The following MSRA variants were observed in gnomAD, a reference collection of about 807,000 sequenced individuals.
MSRA encodes mitochondrial peptide methionine sulfoxide reductase.
A neutral mutation model predicts 31.3 loss-of-function variants in MSRA; 54 were observed. The observed-to-expected ratio is 1.73, with a 90% CI of 1.39 to 2.17. The LOEUF is 2.17. Ranked by LOEUF, MSRA falls within the 30% of genes most tolerant of loss-of-function variation. MSRA has a pLI of 0.00. For missense variants in MSRA, 507 were observed against 300.9 expected (o/e 1.69, Z -5.07); for synonymous variants, 169 against 116.5 (o/e 1.45, Z -2.90).
intron 1 of MSRA, among the ~76,000 whole-genome samples, chr8:10,073,216 T>C (rs1797829926): frequency 6.6e-6 from 1 of 152,178 alleles, no homozygotes; most frequent in African/African-American, 2.4e-5. Context: ...CATTCAGCCT[T>C]TCACTAAACT....
At chr8:10,086,809 G>A (rs1208550354) in intron 1 of MSRA, among the ~76,000 whole-genome samples, 1 of 151,818 alleles carries the variant, frequency 6.6e-6, no homozygotes, top group African/African-American at 2.4e-5. Context: ...AAGGAAGGAG[G>A]GGAGGGAAAG....
Position 10,428,163 on chromosome 8 carries a change from G to T in MSRA, c.559G>T (p.Gly187Cys). The T allele has an allele frequency of 5.6e-6, 9 of 1,612,932 alleles. No individual in the cohort carries two copies. Among genetic ancestry groups the T allele is most frequent in the Non-Finnish European group, 7.6e-6 (9 of 1,179,734 alleles). ...GTCCCCACAGGTTCTTTCAGAGCAC[G>T]GCTTCGGCCCCATCACTACCGACAT... ...ENYQKVLSEH[G>C]FGPITTDIRE... The change falls in exon 6 of 6, where the codon GGC becomes TGC. Residue 187 changes from glycine (G) to cysteine (C), a missense_variant. Gly to Cys is a radical substitution (Grantham distance 159, BLOSUM62 -3). Coordinates refer to ENST00000317173, the MANE Select transcript of MSRA (RefSeq NM_012331.5).
intron 5 of MSRA, among the ~76,000 whole-genome samples, chr8:10,360,488 A>T (rs1804782785): frequency 6.6e-6 from 1 of 152,188 alleles, no homozygotes; most frequent in Non-Finnish European, 1.5e-5. Flanking sequence ...TCTGGGAGAC[A>T]TTGGAAGGAT....
intron 5 of MSRA, chr8:10,326,448 T>C (rs1802367868): frequency 6.6e-6 from 1 of 152,212 alleles, no homozygotes; most frequent in Non-Finnish European, 1.5e-5. Context: ...TGAAGAAGTT[T>C]GCTCATTTCT....
At chr8:10,097,429 G>A (rs1405081390) in intron 1 of MSRA, among the ~76,000 whole-genome samples, 1 of 152,142 alleles carries the variant, frequency 6.6e-6, no homozygotes, top group African/African-American at 2.4e-5. Flanking sequence ...CCTGACTGCA[G>A]TCTTCCTTTT....
intron 1 of MSRA, among the ~76,000 whole-genome samples, chr8:10,125,550 G>C (rs1801437234): frequency 6.6e-6 from 1 of 152,146 alleles, no homozygotes; most frequent in African/African-American, 2.4e-5. Context: ...TGGGAGATGA[G>C]GCTGAGAACA....
In MSRA at chr8:10,417,650, A is replaced by T. The variant is rs766580419; in HGVS notation, c.544-10498A>T. On this transcript the variant is annotated intron_variant, in intron 5 of 5. Coordinates refer to ENST00000317173, the MANE Select transcript of MSRA (RefSeq NM_012331.5). ...TTAAAAGCCATCCCAGTCATTTCAC[A>T]TTTTTTTTTTAAAGTTTTGATTGAC... Among the ~76,000 whole-genome samples, 146 of 148,482 alleles carry T rather than the reference A, an allele frequency of 9.8e-4. 1 individual carries two copies. Among genetic ancestry groups the T allele is most frequent in the Non-Finnish European group, 1.4e-3 (95 of 66,872 alleles).
At chr8:10,207,100 G>A (rs1809058188) in intron 1 of MSRA, among the ~76,000 whole-genome samples, 1 of 152,192 alleles carries the variant, frequency 6.6e-6, no homozygotes, top group African/African-American at 2.4e-5. Flanking sequence ...CATAGATGGG[G>A]AATACTCATA....
At chr8:10,113,202 A>G (rs1800411866) in intron 1 of MSRA, among the ~76,000 whole-genome samples, 1 of 145,802 alleles carries the variant, frequency 6.9e-6, no homozygotes, top group Non-Finnish European at 1.5e-5. Context: ...GAGACAGGAT[A>G]TGGTGCTTAT....
At chr8:10,226,799 C>T (rs1398083619) in intron 2 of MSRA, among the ~76,000 whole-genome samples, 1 of 152,166 alleles carries the variant, frequency 6.6e-6, no homozygotes, top group Non-Finnish European at 1.5e-5. Flanking sequence ...TTGTCAGGTC[C>T]TGTTAGAGCT....
intron 5 of MSRA, among the ~76,000 whole-genome samples, chr8:10,348,531 G>A (rs539939930): frequency 3.3e-5 from 5 of 151,674 alleles, no homozygotes; most frequent in South Asian, 2.1e-4. Flanking sequence ...CACCATGCCC[G>A]GCTAATTTTT....
intron 1 of MSRA, among the ~76,000 whole-genome samples, chr8:10,163,469 C>T (rs1386933457): frequency 2.0e-5 from 3 of 152,204 alleles, no homozygotes; most frequent in Admixed American, 6.5e-5. Context: ...TTCATCTGCC[C>T]GGAGGCCGTT....
chr8:10,273,523 G>T (rs577499211), intron 3 of MSRA, among the ~76,000 whole-genome samples: 1 of 152,070 alleles, frequency 6.6e-6, no homozygotes, highest in Non-Finnish European at 1.5e-5. Flanking sequence ...AAAGTACTTG[G>T]TATGTAATAA....
At chr8:10,375,482 G>A (rs955583918) in intron 5 of MSRA, among the ~76,000 whole-genome samples, 2 of 152,240 alleles carry the variant, frequency 1.3e-5, no homozygotes, top group African/African-American at 2.4e-5. Context: ...TGTGGAGCCA[G>A]TGGCCTGTGG....
chr8:10,425,139 T>G (rs4304332), intron 5 of MSRA, among the ~76,000 whole-genome samples: 2 of 151,210 alleles, frequency 1.3e-5, no homozygotes, highest in African/African-American at 2.4e-5. Flanking sequence ...GTTTTGGCGG[T>G]GGGTGGGGGG....
chr8:10,392,890 C>CAAAAATAAAA, intron 5 of MSRA, among the ~76,000 whole-genome samples: 1 of 113,282 alleles, frequency 8.8e-6, no homozygotes, highest in Non-Finnish European at 1.7e-5. Flanking sequence ...ACTAAAAATG[C>CAAAAATAAAA]AAAAAAAAAA....
At chr8:10,271,065 C>T (rs1563292456) in intron 3 of MSRA, among the ~76,000 whole-genome samples, 4 of 142,914 alleles carry the variant, frequency 2.8e-5, no homozygotes, top group Admixed American at 6.8e-5. Context: ...GTTCTTTCTT[C>T]TTTTTTTTTT....
At chr8:10,090,858 G>T (rs759769968) in intron 1 of MSRA, among the ~76,000 whole-genome samples, 1 of 152,178 alleles carries the variant, frequency 6.6e-6, no homozygotes, top group Admixed American at 6.5e-5. Context: ...CATTGCATGC[G>T]TCAGTGCTTC....
Position 10,215,435 on chromosome 8 carries a change from C to T in MSRA, c.211+7534C>T, listed in dbSNP as rs547312124. Reference sequence around the variant, plus strand: ...CTTGGCATGGGGATGACAGACCAGCCGGACAGGTGCTCCCTGGCAGACCAC... The same window carrying T: ...CTTGGCATGGGGATGACAGACCAGCTGGACAGGTGCTCCCTGGCAGACCAC... On this transcript the variant is annotated intron_variant, in intron 2 of 5. Coordinates refer to ENST00000317173, the MANE Select transcript of MSRA (RefSeq NM_012331.5). 2.0e-3 allele frequency among the ~76,000 whole-genome samples: 300 copies of T among 152,348 alleles called. 1 individual carries two copies. The highest frequency in any genetic ancestry group is 3.2e-3 in the Non-Finnish European group (215 of 68,034).
Sources: gnomAD v4.1 joint callset for allele counts (sites outside exome capture counted in the v4.1 genomes callset) on GRCh38, gnomAD v4.1.1 for gene constraint, MANE v1.5 for transcripts, NCBI Gene and HGNC (gene_info 2026-07-23, HGNC 2026-07-21) for gene names.